The following PCDH17 variants were observed in gnomAD, a reference collection of about 807,000 sequenced individuals.
PCDH17 encodes the protein protocadherin 17.
A neutral mutation model predicts 67.7 loss-of-function variants in PCDH17; 21 were observed. That is an observed-to-expected ratio of 0.31 (90% CI 0.22 to 0.45). PCDH17 has a LOEUF of 0.45. Among genes scored for constraint, PCDH17 ranks in the 20% least tolerant of loss-of-function variants. The pLI is 1.00. For missense variants in PCDH17, 1,471 were observed against 1,564.8 expected (o/e 0.94, Z 1.01); for synonymous variants, 701 against 656.7 (o/e 1.07, Z -1.03).
chr13:57,655,562 A>G (rs1000082271), intron 1 of PCDH17, among the ~76,000 whole-genome samples: 2 of 152,006 alleles, frequency 1.3e-5, no homozygotes, highest in Non-Finnish European at 2.9e-5. Context: ...AAAGGTAGGT[A>G]TTCATAGGTG....
intron 1 of PCDH17, among the ~76,000 whole-genome samples, chr13:57,663,904 CTGTT>C (rs750497897): frequency 7.9e-5 from 12 of 151,786 alleles, no homozygotes; most frequent in African/African-American, 1.2e-4. Flanking sequence ...CCTCAGATTT[CTGTT>C]TGTTTGTTTA....
intron 1 of PCDH17, among the ~76,000 whole-genome samples, chr13:57,658,495 G>A (rs1955138737): frequency 6.6e-6 from 1 of 152,092 alleles, no homozygotes; most frequent in Non-Finnish European, 1.5e-5. Flanking sequence ...TCATCCCTGA[G>A]TCTGTTTTTA....
At position 57,675,654 on chromosome 13, in the gene PCDH17, C is replaced by T. The variant is rs1408245869; in HGVS notation, c.2797+8821C>T. ...AGGAAACACTCAGAAGCACAGATGA[C>T]GTGAACCAGTGTATGGCAAGTTGCT... On this transcript the variant is annotated intron_variant, in intron 3 of 3. Transcript: ENST00000377918. 3.3e-5 allele frequency among the ~76,000 whole-genome samples: 5 copies of T among 151,878 alleles called. No homozygotes were observed. The East Asian group carries it at 5.8e-4, about 18-fold the overall frequency.
chr13:57,641,705 AG>A (rs1954907452), intron 1 of PCDH17, among the ~76,000 whole-genome samples: 2 of 146,668 alleles, frequency 1.4e-5, no homozygotes, highest in East Asian at 4.0e-4. Flanking sequence ...ATCTATTCCA[AG>A]CAGTTTTATT....
intron 3 of PCDH17, among the ~76,000 whole-genome samples, chr13:57,697,066 A>G (rs1955617168): frequency 6.6e-6 from 1 of 151,582 alleles, no homozygotes; most frequent in African/African-American, 2.4e-5. Flanking sequence ...TTATTAAGGT[A>G]GGGAGTCCAT....
intron 3 of PCDH17, among the ~76,000 whole-genome samples, chr13:57,688,660 C>T (rs1955529233): frequency 6.6e-6 from 1 of 152,062 alleles, no homozygotes; most frequent in Non-Finnish European, 1.5e-5. Flanking sequence ...TCATCAAATG[C>T]ATAGCAGAAG....
At chr13:57,638,082 A>G (rs941890286) in intron 1 of PCDH17, among the ~76,000 whole-genome samples, 9 of 152,096 alleles carry the variant, frequency 5.9e-5, no homozygotes, top group African/African-American at 1.7e-4. Flanking sequence ...ATCATAATAA[A>G]ACACAGTTAT....
chr13:57,658,477 A>G (rs1263623094), intron 1 of PCDH17, among the ~76,000 whole-genome samples: 3 of 152,158 alleles, frequency 2.0e-5, no homozygotes, highest in Non-Finnish European at 4.4e-5. Flanking sequence ...AGTTAATCCT[A>G]TCATCACTCA....
chr13:57,665,003 A>G (rs1174716078), intron 1 of PCDH17, among the ~76,000 whole-genome samples: 2 of 152,220 alleles, frequency 1.3e-5, no homozygotes, highest in Non-Finnish European at 1.5e-5. Context: ...ACCAACTGCT[A>G]GTAAAAGACG....
intron 3 of PCDH17, among the ~76,000 whole-genome samples, chr13:57,708,089 T>C (rs935918555): frequency 6.6e-6 from 1 of 152,092 alleles, no homozygotes; most frequent in Non-Finnish European, 1.5e-5. Flanking sequence ...AAAGGAGTTG[T>C]GTACTTTATG....
chr13:57,672,152 G>A (rs1429254793), intron 3 of PCDH17, among the ~76,000 whole-genome samples: 1 of 151,894 alleles, frequency 6.6e-6, no homozygotes, highest in Non-Finnish European at 1.5e-5. Flanking sequence ...AATATCTTTG[G>A]TTTGTTTTAG....
intron 3 of PCDH17, among the ~76,000 whole-genome samples, chr13:57,718,627 A>G (rs536116336): frequency 6.6e-6 from 1 of 152,164 alleles, no homozygotes; most frequent in East Asian, 1.9e-4. Flanking sequence ...AAAAAAAGAA[A>G]GAACTGTGTA....
Position 57,632,619 on chromosome 13 carries a change from G to T in PCDH17, c.73G>T (p.Val25Leu), listed in dbSNP as rs1309171946. The T allele has an allele frequency of 1.2e-6, 2 of 1,613,632 alleles. No individual in the cohort carries two copies. The highest frequency in any genetic ancestry group is 1.7e-6 in the Non-Finnish European group (2 of 1,179,978). Residue 25 changes from valine to leucine, a missense_variant, in exon 1 of 4, where the codon GTG becomes TTG. This residue lies in a region of PCDH17 where 1,163 missense variants were observed against 1,230.0 expected (regional missense o/e 0.95). Coordinates refer to ENST00000377918, the MANE Select transcript of PCDH17 (RefSeq NM_001040429.3). ...ALTLKNLNYS[V>L]PEEQGAGTVI... The stretch of plus-strand genomic sequence containing the variant: ...CACTCTCAAGAACCTCAACTACTCC[G>T]TGCCGGAGGAGCAAGGGGCCGGCAC...
chr13:57,632,972 G>C lies in PCDH17; in HGVS notation c.426G>C (p.Ser142=). ...FSSDQIEMDI[S]ENAAPGTRFP... is the part of the protein sequence containing the mutation. ...CGGACCAGATCGAAATGGACATCTC[G>C]GAGAACGCTGCTCCGGGCACCCGCT... Residue 142 remains serine (S), a synonymous_variant, in exon 1 of 4, where the codon TCG becomes TCC. Coordinates refer to ENST00000377918, the MANE Select transcript of PCDH17 (RefSeq NM_001040429.3). 6.2e-7 allele frequency: 1 copy of C among 1,613,502 alleles called. No homozygotes were observed. The highest frequency in any genetic ancestry group is 8.5e-7 in the Non-Finnish European group (1 of 1,179,988).
chr13:57,706,989 T>C (rs1175933471), intron 3 of PCDH17, among the ~76,000 whole-genome samples: 1 of 152,136 alleles, frequency 6.6e-6, no homozygotes, highest in East Asian at 1.9e-4. Flanking sequence ...TTCTTAATTA[T>C]GTAATTTTCT....
intron 3 of PCDH17, among the ~76,000 whole-genome samples, chr13:57,676,822 T>G (rs1173310444): frequency 6.6e-6 from 1 of 151,890 alleles, no homozygotes; most frequent in Admixed American, 6.6e-5. Flanking sequence ...ATATATTGGT[T>G]GAATACTGCT....
At chr13:57,691,980 T>C (rs1398560186) in intron 3 of PCDH17, among the ~76,000 whole-genome samples, 3 of 151,240 alleles carry the variant, frequency 2.0e-5, no homozygotes, top group Non-Finnish European at 4.5e-5. Context: ...TTAATACAAG[T>C]AAACCAATTT....
At position 57,666,827 on chromosome 13, in the gene PCDH17, G is replaced by A; in HGVS notation, c.2791G>A (p.Glu931Lys). 3 of 1,605,262 alleles carry A rather than the reference G, an allele frequency of 1.9e-6. No individual in the cohort carries two copies. Among genetic ancestry groups the A allele is most frequent in the Non-Finnish European group, 2.6e-6 (3 of 1,174,940 alleles). Reference protein sequence around the residue: ...KTTSTKSQPLEQEPEECVNCT... With the variant: ...KTTSTKSQPLKQEPEECVNCT... ...TACTTCAACTAAAAGCCAACCACTT[G>A]AACAAGGTGAGTGAAGTCTTCCAAT... The change falls in exon 3 of 4, where the codon GAA becomes AAA. Residue 931 changes from glutamate (E) to lysine (K), a missense_variant. Coordinates refer to ENST00000377918, the MANE Select transcript of PCDH17 (RefSeq NM_001040429.3).
At chr13:57,635,603 A>G (rs1954813781) in intron 1 of PCDH17, among the ~76,000 whole-genome samples, 1 of 152,230 alleles carries the variant, frequency 6.6e-6, no homozygotes, top group Non-Finnish European at 1.5e-5. Flanking sequence ...TTCAGAGTTC[A>G]TTCAATTTGA....
Sources: gnomAD v4.1 joint callset for allele counts (sites outside exome capture counted in the v4.1 genomes callset) on GRCh38, gnomAD v4.1.1 for gene constraint, gnomAD v4.1.1 regional missense constraint, MANE v1.5 for transcripts, NCBI Gene and HGNC (gene_info 2026-07-23, HGNC 2026-07-21) for gene names.